CDH10: variants seen among roughly 807,000 people sequenced by gnomAD.
CDH10 encodes the protein cadherin 10, also known as cadherin-10.
CDH10 carries 30 observed loss-of-function variants against 73.1 expected under a neutral mutation model. The observed-to-expected ratio is 0.41, with a 90% CI of 0.31 to 0.56. The LOEUF (loss-of-function observed/expected upper bound fraction) is 0.56. Ranked by LOEUF, CDH10 falls within the 20% of genes least tolerant of loss-of-function variation. The pLI is 0.27. For missense variants in CDH10, 815 were observed against 973.7 expected, an observed-to-expected ratio of 0.84 and a Z score of 2.17; for synonymous variants, 345 against 348.2, an observed-to-expected ratio of 0.99 and a Z score of 0.10.
chr5:24,493,962 ACTTTT>A (rs1270713363), intron 9 of CDH10, among the ~76,000 whole-genome samples: 2 of 151,936 alleles, frequency 1.3e-5, no homozygotes, highest in Admixed American at 1.3e-4. Flanking sequence ...GTATTAGATT[ACTTTT>A]CTTTTAAAAT....
At chr5:24,578,272 T>C (rs1397183085) in intron 2 of CDH10, 3 of 209,208 alleles carry the variant, frequency 1.4e-5, no homozygotes, top group African/African-American at 2.4e-5. Flanking sequence ...GACTCAGAAA[T>C]GTTCATAGAG....
At chr5:24,514,695 T>G (rs747499708) in intron 5 of CDH10, among the ~76,000 whole-genome samples, 1 of 152,186 alleles carries the variant, frequency 6.6e-6, no homozygotes, top group African/African-American at 2.4e-5. Flanking sequence ...ATTTGGTGTA[T>G]AAAGTCTTAT....
chr5:24,494,621 A>G (rs1197246923), intron 9 of CDH10, among the ~76,000 whole-genome samples: 1 of 152,050 alleles, frequency 6.6e-6, no homozygotes, highest in Non-Finnish European at 1.5e-5. Context: ...TTTACAAAGT[A>G]TAATTTCAAT....
chr5:24,625,396 A>G (rs1451085114), intron 1 of CDH10, among the ~76,000 whole-genome samples: 1 of 151,952 alleles, frequency 6.6e-6, no homozygotes, highest in Non-Finnish European at 1.5e-5. Context: ...TACTCTACAC[A>G]TAAGGCCAAG....
At chr5:24,560,263 A>G (rs1408814334) in intron 2 of CDH10, among the ~76,000 whole-genome samples, 2 of 150,104 alleles carry the variant, frequency 1.3e-5, no homozygotes, top group Non-Finnish European at 3.0e-5. Context: ...TCAACATTCT[A>G]CACATTTCCT....
intron 11 of CDH10, among the ~76,000 whole-genome samples, chr5:24,489,213 C>T (rs1741957177): frequency 6.6e-6 from 1 of 152,006 alleles, no homozygotes; most frequent in Non-Finnish European, 1.5e-5. Flanking sequence ...ACAGAACACA[C>T]ATTTAAAGAG....
chr5:24,558,324 C>T (rs142050213), intron 2 of CDH10, among the ~76,000 whole-genome samples: 62 of 151,718 alleles, frequency 4.1e-4, no homozygotes, highest in Middle Eastern at 6.8e-3. Context: ...TAAACTATGA[C>T]CAGGATTCTG....
chr5:24,606,675 T>C (rs1042478492), intron 1 of CDH10, among the ~76,000 whole-genome samples: 4 of 152,128 alleles, frequency 2.6e-5, no homozygotes, highest in African/African-American at 9.7e-5. Context: ...ATGCAATGTA[T>C]AAAAAAGATT....
Position 24,586,434 on chromosome 5 carries a change from C to CTTTTTTTTTTT in CDH10, c.231+6815_231+6825dup, listed in dbSNP as rs35486231. On this transcript the variant is annotated intron_variant, in intron 2 of 11. Coordinates refer to ENST00000264463, the MANE Select transcript of CDH10 (RefSeq NM_006727.5). ...GAAAATTTACATGCTTTATTAACTC[C>CTTTTTTTTTTT]TTTTTTTTTTTTTTTTTTTTTTGAG... is the stretch of plus-strand genomic sequence containing the variant. 1.2e-4 allele frequency among the ~76,000 whole-genome samples: 12 copies of CTTTTTTTTTTT among 100,400 alleles called. 1 individual carries two copies. Among genetic ancestry groups the CTTTTTTTTTTT allele is most frequent in the Non-Finnish European group, 1.3e-4 (7 of 53,164 alleles). 65.9% of individuals were successfully genotyped at this position (100,400 alleles called of 152,430 possible). A position where few individuals can be genotyped will look rare whatever the true frequency, so the allele number is the denominator to read the frequency against.
Position 24,567,654 on chromosome 5 carries a change from T to G in CDH10, c.231+25606A>C, listed in dbSNP as rs183263710. ...TTGCCTATTGAAATAGGAAATGGACTGGGAAGACACAGAGGGAAATTTCAG... is the reference window on the plus strand; with the variant it reads ...TTGCCTATTGAAATAGGAAATGGACGGGGAAGACACAGAGGGAAATTTCAG... On this transcript the variant is annotated intron_variant, in intron 2 of 11. Transcript: ENST00000264463. Among the ~76,000 whole-genome samples, 434 of 152,154 alleles carry G rather than the reference T, an allele frequency of 2.9e-3. 5 individuals carry two copies. The highest frequency in any genetic ancestry group is 0.01 in the African/African-American group (427 of 41,546).
intron 2 of CDH10, among the ~76,000 whole-genome samples, chr5:24,556,467 A>G (rs1172639792): frequency 6.6e-6 from 1 of 151,946 alleles, no homozygotes; most frequent in East Asian, 1.9e-4. Context: ...GTTAATTTAT[A>G]TATTTTCTGT....
At chr5:24,491,266 T>A (rs1005063211) in intron 11 of CDH10, among the ~76,000 whole-genome samples, 1 of 152,218 alleles carries the variant, frequency 6.6e-6, no homozygotes, top group African/African-American at 2.4e-5. Context: ...TCATTGTTCT[T>A]GCTTTTTCCT....
At chr5:24,523,837 G>A (rs1448571561) in intron 5 of CDH10, among the ~76,000 whole-genome samples, 1 of 152,108 alleles carries the variant, frequency 6.6e-6, no homozygotes, top group Non-Finnish European at 1.5e-5. Flanking sequence ...ACGGGAAAGT[G>A]ATCATGCTCC....
At chr5:24,622,563 C>T (rs1318056010) in intron 1 of CDH10, among the ~76,000 whole-genome samples, 1 of 152,030 alleles carries the variant, frequency 6.6e-6, no homozygotes, top group Non-Finnish European at 1.5e-5. Context: ...ATTCTAAAGC[C>T]CAGCCAGTTT....
At position 24,491,782 on chromosome 5, in the gene CDH10, T is replaced by C. The variant is rs781558392; in HGVS notation, c.1670A>G (p.His557Arg). Residue 557 changes from histidine (H) to arginine (R), a missense_variant, in exon 11 of 12, where the codon CAT becomes CGT. His to Arg is a conservative substitution (Grantham distance 29). Transcript: ENST00000264463. ...AGGCAAGAGATAGGTACTGATTTCA[T>C]GTCTATTGAATCCATTTTTTCTGGT... is the stretch of plus-strand genomic sequence containing the variant. Reference protein sequence around the residue: ...ILTRKNGFNRHEISTYLLPVV... With the variant: ...ILTRKNGFNRREISTYLLPVV... The C allele has an allele frequency of 3.1e-6, 5 of 1,606,210 alleles. No individual in the cohort carries two copies. The East Asian group carries it at 6.7e-5, about 21-fold the overall frequency.
intron 11 of CDH10, among the ~76,000 whole-genome samples, chr5:24,489,781 G>T (rs922815333): frequency 6.6e-6 from 1 of 152,002 alleles, no homozygotes; most frequent in Non-Finnish European, 1.5e-5. Flanking sequence ...ATCATTGTTT[G>T]GGGGGAAAGT....
intron 8 of CDH10, among the ~76,000 whole-genome samples, chr5:24,498,883 C>T (rs10462250): frequency 0.075 from 11,458 of 151,932 alleles, 678 homozygotes; most frequent in East Asian, 0.22. Flanking sequence ...AATTTTTAAC[C>T]TTTTTTGGAT....
intron 1 of CDH10, among the ~76,000 whole-genome samples, chr5:24,605,997 TTATA>T: frequency 6.6e-6 from 1 of 152,296 alleles, no homozygotes; most frequent in African/African-American, 2.4e-5. Context: ...ATGATTTTAT[TTATA>T]TGACATTCTT....
chr5:24,546,676 T>C (rs1744355570), intron 2 of CDH10, among the ~76,000 whole-genome samples: 1 of 152,160 alleles, frequency 6.6e-6, no homozygotes, highest in African/African-American at 2.4e-5. Context: ...CACAAATATA[T>C]ACACATATAA....
Sources: gnomAD v4.1 joint callset for allele counts (sites outside exome capture counted in the v4.1 genomes callset) on GRCh38, gnomAD v4.1.1 for gene constraint, MANE v1.5 for transcripts, NCBI Gene and HGNC (gene_info 2026-07-23, HGNC 2026-07-21) for gene names.